Variants in RBM6 observed in about 807,000 individuals in gnomAD.
The protein encoded by RBM6 is RNA-binding protein 6.
A neutral mutation model predicts 140.4 loss-of-function variants in RBM6; 23 were observed. The observed-to-expected ratio is 0.16, with a 90% CI of 0.12 to 0.23. RBM6 has a LOEUF of 0.23. RBM6 is among the 10% of genes least tolerant of loss of function. The pLI is 1.00. For synonymous variants in RBM6, 439 were observed against 475.6 expected (o/e 0.92, Z 1.00); for missense variants, 1,139 against 1,386.7 (o/e 0.82, Z 2.84).
chr3:50,029,967 G>A (rs1185277906), intron 6 of RBM6, among the ~76,000 whole-genome samples: 2 of 150,392 alleles, frequency 1.3e-5, no homozygotes, highest in Non-Finnish European at 2.9e-5. Context: ...GAGGTCGAGA[G>A]TACAGTGAGC....
intron 6 of RBM6, among the ~76,000 whole-genome samples, chr3:50,035,789 C>T (rs925027739): frequency 6.6e-6 from 1 of 151,540 alleles, no homozygotes; most frequent in Non-Finnish European, 1.5e-5. Context: ...GAGACAGAGT[C>T]TCACTCTGTT....
chr3:50,064,916 C>T lies in RBM6; in HGVS notation c.2587-115C>T, dbSNP rs554710185. ...CTCGATCTCCTGACGTTGTGATCCA[C>T]CTGCCTTGACCTCCCAGAGTGCTGG... On this transcript the variant is annotated intron_variant, in intron 15 of 20. Coordinates refer to ENST00000266022, the MANE Select transcript of RBM6 (RefSeq NM_005777.3). 1.2e-3 allele frequency: 892 copies of T among 752,686 alleles called. 19 individuals are homozygous for T. In the South Asian group the frequency reaches 0.016, roughly 13 times the overall value. The allele number at this position is 752,686 out of a possible 1,614,324, so 46.6% of individuals were successfully genotyped here.
chr3:49,941,662 A>C (rs1156400559), intron 1 of RBM6, among the ~76,000 whole-genome samples: 2 of 130,542 alleles, frequency 1.5e-5, no homozygotes, highest in Non-Finnish European at 3.5e-5. Flanking sequence ...AAAAAAAAAA[A>C]AAAAAAAACC....
chr3:50,059,779 C>A, intron 11 of RBM6, 33 bp downstream of exon 11: 1 of 1,531,180 alleles, frequency 6.5e-7, no homozygotes, highest in Non-Finnish European at 8.9e-7. Context: ...TCTTGTGCTG[C>A]CCCCACTTGT....
intron 8 of RBM6, 84 bp downstream of exon 8, chr3:50,054,479 C>T (rs1169335240): frequency 8.6e-7 from 1 of 1,156,606 alleles, no homozygotes. Flanking sequence ...GAAGAATTAT[C>T]ATCCCTAAAT....
intron 6 of RBM6, among the ~76,000 whole-genome samples, chr3:49,999,930 T>TC (rs1490487396): frequency 2.6e-5 from 4 of 152,200 alleles, no homozygotes; most frequent in African/African-American, 9.6e-5. Flanking sequence ...GGTGAAGACC[T>TC]CTGATGGTGA....
At position 50,060,994 on chromosome 3, in the gene RBM6, A is replaced by G. The variant is rs2089915953; in HGVS notation, c.2267A>G (p.Tyr756Cys). The G allele has an allele frequency of 1.9e-6, 3 of 1,590,984 alleles. No individual in the cohort carries two copies. The highest frequency in any genetic ancestry group is 2.6e-6 in the Non-Finnish European group (3 of 1,169,320). ...SGDHSDHMHYYQGKKYFRDRR... is the reference protein window; with the variant it reads ...SGDHSDHMHYCQGKKYFRDRR... ...GACCATTCTGACCACATGCATTACT[A>G]TCAGGTAGGCTGTAACAGGTGGGGA... The change falls in exon 12 of 21, where the codon TAT becomes TGT. Residue 756 changes from tyrosine (Y) to cysteine (C), a missense_variant. Around this residue, in one of 9 missense-constraint regions of RBM6, gnomAD observed 163 missense variants for 182.8 expected, o/e 0.89. Coordinates refer to ENST00000266022, the MANE Select transcript of RBM6 (RefSeq NM_005777.3).
At chr3:49,986,451 C>T (rs977247033) in intron 5 of RBM6, among the ~76,000 whole-genome samples, 5 of 151,430 alleles carry the variant, frequency 3.3e-5, no homozygotes, top group South Asian at 2.1e-4. Context: ...AAAAATTAGC[C>T]GGGCATGGTG....
chr3:49,952,071 G>C (rs1008240034), intron 1 of RBM6, among the ~76,000 whole-genome samples: 5 of 151,286 alleles, frequency 3.3e-5, no homozygotes, highest in Middle Eastern at 6.9e-3. Context: ...GTCTTGCTCT[G>C]TCACCCAGGC....
At chr3:50,007,483 G>A (rs1177425046) in intron 6 of RBM6, among the ~76,000 whole-genome samples, 2 of 151,470 alleles carry the variant, frequency 1.3e-5, no homozygotes, top group South Asian at 2.1e-4. Context: ...TACCATGTCC[G>A]GCCCTTAGTA....
intron 5 of RBM6, among the ~76,000 whole-genome samples, chr3:49,997,865 A>T (rs911705318): frequency 6.6e-6 from 1 of 152,216 alleles, no homozygotes; most frequent in African/African-American, 2.4e-5. Context: ...TGTTAATAGG[A>T]TATGCATGCT....
intron 3 of RBM6, among the ~76,000 whole-genome samples, chr3:49,970,354 A>G (rs1303496130): frequency 6.6e-6 from 1 of 152,198 alleles, no homozygotes; most frequent in Non-Finnish European, 1.5e-5. Flanking sequence ...TGCTGGGATT[A>G]CAGCAATGAG....
chr3:50,021,641 T>TAAAG (rs2108795906), intron 6 of RBM6, among the ~76,000 whole-genome samples: 1 of 147,838 alleles, frequency 6.8e-6, no homozygotes, highest in Admixed American at 6.8e-5. Flanking sequence ...ACTTTGTCTC[T>TAAAG]AAATAAATAA....
intron 6 of RBM6, among the ~76,000 whole-genome samples, chr3:49,999,851 T>C (rs1261405223): frequency 6.6e-6 from 1 of 152,024 alleles, no homozygotes; most frequent in Non-Finnish European, 1.5e-5. Context: ...GAATGATCCT[T>C]GATTGTCTGT....
intron 3 of RBM6, among the ~76,000 whole-genome samples, chr3:49,969,768 GT>G (rs780975972): frequency 4.5e-4 from 64 of 143,216 alleles, no homozygotes; most frequent in East Asian, 2.8e-3. Context: ...TGCCTGGCTA[GT>G]TTTTTTTTTT....
At chr3:50,012,483 G>A (rs1258013514) in intron 6 of RBM6, among the ~76,000 whole-genome samples, 2 of 149,240 alleles carry the variant, frequency 1.3e-5, no homozygotes, top group Non-Finnish European at 3.0e-5. Context: ...TCAGCCTCCC[G>A]AGTAGCTGGG....
At chr3:50,034,867 T>C (rs1360171466) in intron 6 of RBM6, among the ~76,000 whole-genome samples, 1 of 152,208 alleles carries the variant, frequency 6.6e-6, no homozygotes, top group African/African-American at 2.4e-5. Flanking sequence ...GGAACAGTAC[T>C]GATATATCAT....
intron 1 of RBM6, among the ~76,000 whole-genome samples, chr3:49,945,881 CAAAAAA>C (rs67271820): frequency 6.0e-3 from 373 of 61,880 alleles, no homozygotes; most frequent in African/African-American, 0.02. Flanking sequence ...GACTCCATCT[CAAAAAA>C]AAAAAAAAAA....
At chr3:50,047,122 C>T in intron 6 of RBM6, 1 of 966,376 alleles carries the variant, frequency 1.0e-6, no homozygotes, top group Non-Finnish European at 1.2e-6. Context: ...TAATTTTATC[C>T]TGTGTATTTC....
Sources: gnomAD v4.1 joint callset for allele counts (sites outside exome capture counted in the v4.1 genomes callset) on GRCh38, gnomAD v4.1.1 for gene constraint, gnomAD v4.1.1 regional missense constraint, MANE v1.5 for transcripts, NCBI Gene and HGNC (gene_info 2026-07-23, HGNC 2026-07-21) for gene names.